Variants in DAB2IP observed in about 807,000 individuals in gnomAD.
DAB2IP encodes DAB2 interacting protein.
DAB2IP carries 28 observed loss-of-function variants against 107.2 expected under a neutral mutation model. That is an observed-to-expected ratio of 0.26 (90% CI 0.19 to 0.36). The LOEUF is 0.36. DAB2IP is among the 10% of genes least tolerant of loss of function. The pLI, the probability that DAB2IP is intolerant of heterozygous loss-of-function variation, is 1.00. For missense variants in DAB2IP, 1,400 were observed against 1,644.7 expected (o/e 0.85, Z 2.57); for synonymous variants, 755 against 706.4 (o/e 1.07, Z -1.09).
intron 3 of DAB2IP, among the ~76,000 whole-genome samples, chr9:121,740,251 G>A (rs551273287): frequency 7.9e-5 from 12 of 152,214 alleles, no homozygotes; most frequent in South Asian, 4.2e-4. Context: ...ATTCAGGAGC[G>A]CCGATAGGCC....
At chr9:121,710,022 A>C (rs376019596) in intron 3 of DAB2IP, among the ~76,000 whole-genome samples, 4 of 152,254 alleles carry the variant, frequency 2.6e-5, no homozygotes, top group African/African-American at 4.8e-5. Context: ...ATACTGTTGC[A>C]GTCCCTGGTT....
At chr9:121,692,746 TCA>T (rs942377489) in intron 2 of DAB2IP, among the ~76,000 whole-genome samples, 2 of 152,210 alleles carry the variant, frequency 1.3e-5, no homozygotes, top group African/African-American at 4.8e-5. Flanking sequence ...CTTTCGCCTG[TCA>T]CAGTGTCTGA....
intron 4 of DAB2IP, 50 bp from the exon 5 acceptor site, chr9:121,758,848 C>G: frequency 6.5e-7 from 1 of 1,549,944 alleles, no homozygotes; most frequent in Non-Finnish European, 8.9e-7. Context: ...CACTGCCTGC[C>G]CTTGCTGTGG....
Position 121,701,226 on chromosome 9 carries a change from A to G in DAB2IP, c.362+1768A>G, listed in dbSNP as rs1194225895. Among the ~76,000 whole-genome samples, 6 of 152,180 alleles carry G rather than the reference A, an allele frequency of 3.9e-5. No individual in the cohort carries two copies. On this transcript the variant is annotated intron_variant, in intron 3 of 15. Transcript: ENST00000408936. The surrounding 1 kb of genome is among the most constrained non-coding windows in gnomAD (Gnocchi z 4.7). ...CCCGGGAGCAGGCGGCATGCATGTC[A>G]TGTTTACCTCCTTACAGCGGGAAGC...
At chr9:121,744,407 GA>G (rs1203783879) in intron 3 of DAB2IP, among the ~76,000 whole-genome samples, 3 of 152,066 alleles carry the variant, frequency 2.0e-5, no homozygotes, top group African/African-American at 7.2e-5. Context: ...ACCCATTTCT[GA>G]AAAAAAGTCA....
intron 13 of DAB2IP, among the ~76,000 whole-genome samples, chr9:121,775,410 G>A (rs961750198): frequency 6.6e-6 from 1 of 152,216 alleles, no homozygotes; most frequent in Non-Finnish European, 1.5e-5. Context: ...GGGGGACAGG[G>A]AACACAGTGC....
At chr9:121,582,016 A>C (rs1452023953) in intron 1 of DAB2IP, among the ~76,000 whole-genome samples, 1 of 151,502 alleles carries the variant, frequency 6.6e-6, no homozygotes, top group Non-Finnish European at 1.5e-5. Flanking sequence ...TGGGGATAGG[A>C]CCTCCCCCTC....
chr9:121,768,930 A>T (rs537407502), intron 10 of DAB2IP, among the ~76,000 whole-genome samples: 1 of 152,302 alleles, frequency 6.6e-6, no homozygotes, highest in Non-Finnish European at 1.5e-5. Context: ...GCATGTGAGA[A>T]ATAGAATTGG....
At chr9:121,751,417 C>T (rs1214252336) in intron 3 of DAB2IP, 3 of 153,074 alleles carry the variant, frequency 2.0e-5, no homozygotes, top group Non-Finnish European at 4.4e-5. Context: ...GGCCCTGAGC[C>T]GGGCTTAGGT....
At chr9:121,568,940 C>T (rs1564676246) in intron 1 of DAB2IP, among the ~76,000 whole-genome samples, 1 of 152,178 alleles carries the variant, frequency 6.6e-6, no homozygotes, top group Non-Finnish European at 1.5e-5. Flanking sequence ...TGGCCTGTCA[C>T]GAGGCCGGTT....
chr9:121,614,332 C>CTT (rs1831193057), intron 1 of DAB2IP, among the ~76,000 whole-genome samples: 1 of 79,762 alleles, frequency 1.3e-5, no homozygotes, highest in African/African-American at 3.6e-5. Flanking sequence ...GCACTTCTTT[C>CTT]TTTTCTTTTT....
intron 2 of DAB2IP, among the ~76,000 whole-genome samples, chr9:121,685,309 G>C (rs1828815126): frequency 6.6e-6 from 1 of 152,238 alleles, no homozygotes; most frequent in Non-Finnish European, 1.5e-5. Flanking sequence ...CTCAGGAGTT[G>C]TCCGGGGTGG....
At chr9:121,590,638 C>T (rs1830406605) in intron 1 of DAB2IP, among the ~76,000 whole-genome samples, 1 of 152,174 alleles carries the variant, frequency 6.6e-6, no homozygotes, top group Admixed American at 6.5e-5. Context: ...GCAAAGCACT[C>T]AAACTTGCAT....
chr9:121,747,677 T>G (rs781421079), intron 3 of DAB2IP, among the ~76,000 whole-genome samples: 9 of 152,112 alleles, frequency 5.9e-5, no homozygotes, highest in Non-Finnish European at 8.8e-5. Context: ...TTCAGGGCAC[T>G]TCGCTGTTCT....
intron 12 of DAB2IP, among the ~76,000 whole-genome samples, chr9:121,773,785 C>T (rs1363462086): frequency 6.6e-6 from 1 of 152,216 alleles, no homozygotes; most frequent in Non-Finnish European, 1.5e-5. Context: ...TCTTCGGTTC[C>T]AAGCCTGTCG....
At position 121,639,144 on chromosome 9, in the gene DAB2IP, G is replaced by C. The variant is rs183445510; in HGVS notation, c.41-39534G>C. 2.6e-5 allele frequency among the ~76,000 whole-genome samples: 4 copies of C among 152,308 alleles called. No individual in the cohort carries two copies. In the East Asian group the frequency reaches 7.7e-4, roughly 29 times the overall value. On this transcript the variant is annotated intron_variant, in intron 1 of 16. Coordinates refer to the DAB2IP transcript ENST00000259371. The stretch of plus-strand genomic sequence containing the variant: ...GTGCCTGTAAAATGGGAGAGTAACA[G>C]GATTCACTGCTTTTGGTCATTAGAA...
intron 2 of DAB2IP, among the ~76,000 whole-genome samples, chr9:121,697,476 C>T (rs775914049): frequency 1.5e-4 from 23 of 152,220 alleles, no homozygotes; most frequent in Non-Finnish European, 8.8e-5. Context: ...TCAGAGCTCA[C>T]GCAGAGGTGC....
chr9:121,567,269 C>G (rs1564675485), intron 1 of DAB2IP: 1 of 1,613,484 alleles, frequency 6.2e-7, no homozygotes, highest in Non-Finnish European at 8.5e-7. Flanking sequence ...GGGGTTTCAG[C>G]CTCTCTGCTC....
chr9:121,762,342 C>A (rs1044393953), intron 6 of DAB2IP, among the ~76,000 whole-genome samples: 9 of 152,190 alleles, frequency 5.9e-5, no homozygotes, highest in Admixed American at 4.6e-4. Flanking sequence ...AGGAAGGCTG[C>A]AGTCCTGAGC....
Sources: allele counts gnomAD v4.1 joint callset (sites outside exome capture counted in the v4.1 genomes callset), GRCh38; gene constraint gnomAD v4.1.1; non-coding constraint Gnocchi (gnomAD v3.1); transcripts MANE v1.5; gene names NCBI Gene and HGNC (gene_info 2026-07-23, HGNC 2026-07-21).